The following PAN3 variants were observed in gnomAD, a reference collection of about 807,000 sequenced individuals.
PAN3 encodes the protein poly(A) specific ribonuclease subunit PAN3.
In PAN3, 19 loss-of-function variants were observed where a neutral mutation model predicts 96.2. The ratio of observed to expected loss-of-function variants is 0.20; its 90% confidence interval spans 0.14 to 0.29. The LOEUF (loss-of-function observed/expected upper bound fraction) is 0.29. Ranked by LOEUF, PAN3 falls within the 10% of genes least tolerant of loss-of-function variation. PAN3 has a pLI of 1.00. For synonymous variants in PAN3, 433 were observed against 406.6 expected (o/e 1.06, Z -0.78); for missense variants, 882 against 1,108.1 (o/e 0.80, Z 2.90).
chr13:28,244,894 G>C (rs1326052991), intron 6 of PAN3, among the ~76,000 whole-genome samples: 1 of 151,816 alleles, frequency 6.6e-6, no homozygotes, highest in Non-Finnish European at 1.5e-5. Context: ...TGTCGCCCAG[G>C]CTGGAGTGCA....
intron 12 of PAN3, among the ~76,000 whole-genome samples, chr13:28,268,955 G>C (rs376545744): frequency 2.0e-5 from 3 of 152,092 alleles, no homozygotes; most frequent in African/African-American, 7.2e-5. Flanking sequence ...TGTGGAAGGG[G>C]ATGTGGTACA....
At chr13:28,245,952 G>C (rs750144195) in intron 6 of PAN3, among the ~76,000 whole-genome samples, 3 of 152,014 alleles carry the variant, frequency 2.0e-5, no homozygotes, top group Non-Finnish European at 4.4e-5. Flanking sequence ...CCACTTTTTG[G>C]TAATTATGCA....
intron 5 of PAN3, among the ~76,000 whole-genome samples, chr13:28,207,757 A>G (rs1321645401): frequency 6.6e-6 from 1 of 152,200 alleles, no homozygotes; most frequent in Non-Finnish European, 1.5e-5. Context: ...AACTAATATC[A>G]ATATACTGAT....
intron 6 of PAN3, among the ~76,000 whole-genome samples, chr13:28,235,839 G>A (rs574010170): frequency 1.3e-5 from 2 of 151,474 alleles, no homozygotes; most frequent in Non-Finnish European, 2.9e-5. Context: ...ACCCTGTGGA[G>A]TAGCTAGGAC....
chr13:28,278,588 C>T (rs2138708229), intron 15 of PAN3, among the ~76,000 whole-genome samples: 1 of 151,724 alleles, frequency 6.6e-6, no homozygotes, highest in East Asian at 1.9e-4. Context: ...AATGAATAAA[C>T]AAAAAAGCCA....
intron 4 of PAN3, among the ~76,000 whole-genome samples, chr13:28,184,061 T>G (rs900741673): frequency 3.9e-5 from 6 of 152,162 alleles, no homozygotes; most frequent in African/African-American, 1.4e-4. Context: ...CTTTGAGATG[T>G]TCAGGCCTCC....
At chr13:28,141,171 A>T (rs144252163) in intron 1 of PAN3, among the ~76,000 whole-genome samples, 4,406 of 151,444 alleles carry the variant, frequency 0.029, 95 homozygotes, top group Non-Finnish European at 0.041. Context: ...CGACCGGCTT[A>T]TTTTTGTATT....
At chr13:28,239,821 C>A in intron 6 of PAN3, 1 of 411,328 alleles carries the variant, frequency 2.4e-6, no homozygotes, top group South Asian at 2.1e-5. Context: ...CATCAGTATT[C>A]TTACTGACTT....
At chr13:28,289,119 C>G (rs1869378292) in intron 18 of PAN3, among the ~76,000 whole-genome samples, 1 of 152,176 alleles carries the variant, frequency 6.6e-6, no homozygotes, top group South Asian at 2.1e-4. Flanking sequence ...AGCCACCGCA[C>G]CCGGCCTAAC....
intron 6 of PAN3, among the ~76,000 whole-genome samples, chr13:28,230,616 G>A (rs558297949): frequency 6.6e-6 from 1 of 152,220 alleles, no homozygotes; most frequent in South Asian, 2.1e-4. Context: ...TAAATAAGAG[G>A]CACTTATTGA....
At chr13:28,157,316 C>T (rs996976926) in intron 1 of PAN3, among the ~76,000 whole-genome samples, 1 of 152,110 alleles carries the variant, frequency 6.6e-6, no homozygotes, top group East Asian at 1.9e-4. Context: ...ACAAGGATGC[C>T]TACTCTCAAC....
At chr13:28,280,387 G>A in intron 15 of PAN3, 25 bp from the exon 16 acceptor site, 2 of 1,590,220 alleles carry the variant, frequency 1.3e-6, no homozygotes, top group Non-Finnish European at 8.6e-7. Context: ...GGACATCCAA[G>A]TAATTCCTCT....
intron 6 of PAN3, among the ~76,000 whole-genome samples, chr13:28,241,087 C>A (rs1470875123): frequency 6.6e-6 from 1 of 151,870 alleles, no homozygotes; most frequent in African/African-American, 2.4e-5. Context: ...ATGTTGAGAC[C>A]CTGTCTCTAC....
At chr13:28,189,070 CTT>C (rs1207413425) in intron 4 of PAN3, among the ~76,000 whole-genome samples, 1 of 152,196 alleles carries the variant, frequency 6.6e-6, no homozygotes, top group Non-Finnish European at 1.5e-5. Context: ...ACCTTCTGTT[CTT>C]TCCTTTGACA....
chr13:28,169,650 A>AT (rs973677454), intron 1 of PAN3, among the ~76,000 whole-genome samples: 3 of 151,908 alleles, frequency 2.0e-5, no homozygotes, highest in Admixed American at 1.3e-4. Flanking sequence ...TTGGTTAGTG[A>AT]TTTTTTCCTA....
chr13:28,208,178 G>T (rs947217842), intron 5 of PAN3, among the ~76,000 whole-genome samples: 1 of 152,106 alleles, frequency 6.6e-6, no homozygotes, highest in African/African-American at 2.4e-5. Context: ...TTGTTAGAAA[G>T]AATACATCTA....
At position 28,197,113 on chromosome 13, in the gene PAN3, G is replaced by A. The variant is rs912259058; in HGVS notation, c.691-72G>A. On this transcript the variant is annotated intron_variant, in intron 4 of 18. Transcript: ENST00000380958. Reference sequence around the variant, plus strand: ...CCACCGTTCCCAGTATCCTGTATATGTTAGTTATGTTAGTTTAGATTAGTG... The same window carrying A: ...CCACCGTTCCCAGTATCCTGTATATATTAGTTATGTTAGTTTAGATTAGTG... The A allele has an allele frequency of 2.7e-6, 4 of 1,508,362 alleles. No homozygotes were observed. In the African/African-American group the frequency reaches 4.2e-5, roughly 16 times the overall value. The allele number at this position is 1,508,362 out of a possible 1,614,324, so 93.4% of individuals were successfully genotyped here.
In PAN3 at chr13:28,159,463, T is replaced by G. The variant is rs370276639; in HGVS notation, c.431-14809T>G. 8.5e-5 allele frequency among the ~76,000 whole-genome samples: 13 copies of G among 152,322 alleles called. No individual in the cohort carries two copies. The East Asian group carries it at 1.7e-3, about 20-fold the overall frequency. On this transcript the variant is annotated intron_variant, in intron 1 of 18. Transcript: ENST00000380958. ...CCGGAGCCTTCTGTTTTTATTTTTT[T>G]TGAGATGGAGTTTCGCTCTTGTTTC...
At chr13:28,201,381 T>C (rs1389652577) in intron 5 of PAN3, among the ~76,000 whole-genome samples, 3 of 151,776 alleles carry the variant, frequency 2.0e-5, no homozygotes, top group Non-Finnish European at 2.9e-5. Flanking sequence ...TAAAAAAATT[T>C]TTATAATACA....
Sources: allele counts gnomAD v4.1 joint callset (sites outside exome capture counted in the v4.1 genomes callset), GRCh38; gene constraint gnomAD v4.1.1; transcripts MANE v1.5; gene names NCBI Gene and HGNC (gene_info 2026-07-23, HGNC 2026-07-21).